FBXL7: variants seen among roughly 807,000 people sequenced by gnomAD.
FBXL7 encodes F-box and leucine rich repeat protein 7.
FBXL7 carries 12 observed loss-of-function variants against 38.3 expected under a neutral mutation model. That is an observed-to-expected ratio of 0.31 (90% CI 0.20 to 0.51). The LOEUF is 0.51. Ranked by LOEUF, FBXL7 falls within the 20% of genes least tolerant of loss-of-function variation. The pLI is 0.98. For synonymous variants in FBXL7, 297 were observed against 300.9 expected (o/e 0.99, Z 0.13); for missense variants, 567 against 676.4 (o/e 0.84, Z 1.79).
chr5:15,568,646 A>G (rs927112017), intron 1 of FBXL7, among the ~76,000 whole-genome samples: 3 of 151,802 alleles, frequency 2.0e-5, no homozygotes, highest in Admixed American at 1.3e-4. Context: ...TTGGTGTTTT[A>G]GACATGAAGT....
intron 2 of FBXL7, among the ~76,000 whole-genome samples, chr5:15,619,937 A>G (rs528559415): frequency 4.9e-4 from 75 of 152,280 alleles, no homozygotes; most frequent in African/African-American, 1.7e-3. Context: ...AACTCATGCA[A>G]TTGTGCTGGT....
intron 2 of FBXL7, among the ~76,000 whole-genome samples, chr5:15,917,706 G>GAAGA (rs1467968134): frequency 1.4e-3 from 196 of 137,774 alleles, no homozygotes; most frequent in African/African-American, 5.0e-3. Context: ...AGAAAGAAAG[G>GAAGA]AAGGAAGGAA....
intron 2 of FBXL7, among the ~76,000 whole-genome samples, chr5:15,812,670 T>C (rs560818): frequency 0.57 from 86,503 of 151,872 alleles, 25,185 homozygotes; most frequent in Non-Finnish European, 0.64. Flanking sequence ...CTGTAAAGAA[T>C]GTCAGTGGTA....
At chr5:15,870,892 A>G (rs765727477) in intron 2 of FBXL7, among the ~76,000 whole-genome samples, 19 of 152,194 alleles carry the variant, frequency 1.2e-4, no homozygotes, top group Non-Finnish European at 2.4e-4. Flanking sequence ...GCTTCAGCAG[A>G]CTTACACGTT....
At chr5:15,755,000 A>G (rs1375326776) in intron 2 of FBXL7, among the ~76,000 whole-genome samples, 1 of 152,162 alleles carries the variant, frequency 6.6e-6, no homozygotes, top group East Asian at 1.9e-4. Context: ...TTTTTCTTGA[A>G]TGCTCTCTGA....
At chr5:15,897,979 T>C (rs369877710) in intron 2 of FBXL7, among the ~76,000 whole-genome samples, 11 of 152,356 alleles carry the variant, frequency 7.2e-5, no homozygotes, top group African/African-American at 2.6e-4. Flanking sequence ...TGAGACACAT[T>C]GCAAAGCCAG....
intron 2 of FBXL7, among the ~76,000 whole-genome samples, chr5:15,800,994 A>C (rs1015010826): frequency 9.9e-5 from 15 of 152,214 alleles, no homozygotes; most frequent in Admixed American, 9.8e-4. Flanking sequence ...TCCATAGGGC[A>C]GGATAGCAGT....
At chr5:15,615,842 A>G in intron 1 of FBXL7, 141 bp from the exon 2 acceptor site, 1 of 526,220 alleles carries the variant, frequency 1.9e-6, no homozygotes, top group East Asian at 3.1e-5. Context: ...AAGGCAAAAA[A>G]AAACTTAATA....
intron 1 of FBXL7, among the ~76,000 whole-genome samples, chr5:15,507,184 G>C (rs1580342775): frequency 6.6e-6 from 1 of 151,976 alleles, no homozygotes; most frequent in East Asian, 1.9e-4. Flanking sequence ...AATCACCCTA[G>C]TTCTGAGTAG....
intron 2 of FBXL7, among the ~76,000 whole-genome samples, chr5:15,895,852 G>A (rs1741089211): frequency 6.6e-6 from 1 of 151,432 alleles, no homozygotes; most frequent in Non-Finnish European, 1.5e-5. Flanking sequence ...CACTCTGTTA[G>A]CCAGGATGGT....
intron 2 of FBXL7, among the ~76,000 whole-genome samples, chr5:15,732,442 T>C (rs1373227320): frequency 6.6e-6 from 1 of 152,222 alleles, no homozygotes; most frequent in Non-Finnish European, 1.5e-5. Flanking sequence ...AAGATGGCTT[T>C]CAGTGTTCTT....
At chr5:15,665,343 C>T (rs1395692212) in intron 2 of FBXL7, among the ~76,000 whole-genome samples, 1 of 152,178 alleles carries the variant, frequency 6.6e-6, no homozygotes, top group East Asian at 1.9e-4. Flanking sequence ...CAAACTTGGT[C>T]TTTAAAAAAC....
At chr5:15,711,270 A>T (rs928509599) in intron 2 of FBXL7, among the ~76,000 whole-genome samples, 1 of 152,196 alleles carries the variant, frequency 6.6e-6, no homozygotes, top group African/African-American at 2.4e-5. Context: ...GTAGCTCTGG[A>T]GATTCCTGGC....
At chr5:15,879,456 AC>A in intron 2 of FBXL7, among the ~76,000 whole-genome samples, 1 of 152,262 alleles carries the variant, frequency 6.6e-6, no homozygotes, top group Middle Eastern at 3.4e-3. Flanking sequence ...GCAAAACATT[AC>A]CTTTGCTGCC....
chr5:15,721,227 T>C (rs1008384837), intron 2 of FBXL7, among the ~76,000 whole-genome samples: 5 of 152,216 alleles, frequency 3.3e-5, no homozygotes, highest in Non-Finnish European at 5.9e-5. Context: ...AGACCATTTC[T>C]TGGATTTTCG....
intron 2 of FBXL7, among the ~76,000 whole-genome samples, chr5:15,851,685 TCTTTTTAA>T (rs1282390853): frequency 6.6e-6 from 1 of 152,086 alleles, no homozygotes; most frequent in African/African-American, 2.4e-5. Flanking sequence ...CCTTCACAAT[TCTTTTTAA>T]GAGTCAGGTA....
chr5:15,514,258 A>G (rs1258494646), intron 1 of FBXL7, among the ~76,000 whole-genome samples: 3 of 152,320 alleles, frequency 2.0e-5, no homozygotes, highest in Admixed American at 1.3e-4. Context: ...CTGCCTGCAA[A>G]TTTAATTTAA....
chr5:15,529,743 T>G (rs1737366142), intron 1 of FBXL7, among the ~76,000 whole-genome samples: 1 of 152,210 alleles, frequency 6.6e-6, no homozygotes, highest in South Asian at 2.1e-4. Flanking sequence ...TATCTTTCTT[T>G]TATGTTTTTA....
intron 2 of FBXL7, among the ~76,000 whole-genome samples, chr5:15,790,778 G>C (rs1737253576): frequency 6.6e-6 from 1 of 152,146 alleles, no homozygotes; most frequent in Non-Finnish European, 1.5e-5. Context: ...ACAAAAGTCA[G>C]GAAATGGGGA....
Sources: gnomAD v4.1 joint callset for allele counts (sites outside exome capture counted in the v4.1 genomes callset) on GRCh38, gnomAD v4.1.1 for gene constraint, MANE v1.5 for transcripts, NCBI Gene and HGNC (gene_info 2026-07-23, HGNC 2026-07-21) for gene names.